ADAMTSL1: variants seen among roughly 807,000 people sequenced by gnomAD.
ADAMTSL1 encodes ADAMTS-like protein 1.
Under a neutral mutation model 201.8 loss-of-function variants are expected in ADAMTSL1, and 126 were observed. The ratio of observed to expected loss-of-function variants is 0.62; its 90% CI spans 0.54 to 0.72. The LOEUF is 0.72. Among genes scored for constraint, ADAMTSL1 ranks in the 30% least tolerant of loss-of-function variants. The probability of loss-of-function intolerance (pLI) is 0.00; values close to 1 mark genes in which losing one functional copy is unlikely to be tolerated. For missense variants in ADAMTSL1, 2,679 were observed against 2,277.8 expected (o/e 1.18, Z -3.59); for synonymous variants, 1,121 against 903.4 (o/e 1.24, Z -4.32).
chr9:18,213,367 T>C (rs1829950196), intron 2 of ADAMTSL1, among the ~76,000 whole-genome samples: 1 of 152,180 alleles, frequency 6.6e-6, no homozygotes, highest in Non-Finnish European at 1.5e-5. Flanking sequence ...TTGGTATCCT[T>C]CGGAGAACAA....
intron 1 of ADAMTSL1, among the ~76,000 whole-genome samples, chr9:18,134,880 T>C (rs1826094268): frequency 6.6e-6 from 1 of 152,200 alleles, no homozygotes; most frequent in Non-Finnish European, 1.5e-5. Flanking sequence ...TGTTGGGGAC[T>C]GCCAGGAAGG....
At chr9:18,360,100 A>T (rs780953156) in intron 2 of ADAMTSL1, among the ~76,000 whole-genome samples, 2 of 152,012 alleles carry the variant, frequency 1.3e-5, no homozygotes, top group African/African-American at 2.4e-5. Flanking sequence ...GGGAAGTCAG[A>T]TGTGGTTTCC....
intron 1 of ADAMTSL1, among the ~76,000 whole-genome samples, chr9:18,022,281 C>G (rs897787327): frequency 1.3e-5 from 2 of 152,128 alleles, no homozygotes; most frequent in African/African-American, 4.8e-5. Context: ...TCATAGATAC[C>G]TGAGCAGCTG....
At chr9:18,403,047 G>A (rs981310724) in intron 2 of ADAMTSL1, among the ~76,000 whole-genome samples, 2 of 152,152 alleles carry the variant, frequency 1.3e-5, no homozygotes, top group African/African-American at 2.4e-5. Flanking sequence ...GCTAGTAAAT[G>A]GCAGAGCTGT....
At chr9:18,014,925 T>G (rs1272277182) in intron 1 of ADAMTSL1, among the ~76,000 whole-genome samples, 1 of 152,046 alleles carries the variant, frequency 6.6e-6, no homozygotes, top group Non-Finnish European at 1.5e-5. Context: ...AAAGGCCAAG[T>G]ATAGTGATCA....
At chr9:17,927,145 A>G (rs935528904) in intron 1 of ADAMTSL1, among the ~76,000 whole-genome samples, 1 of 152,198 alleles carries the variant, frequency 6.6e-6, no homozygotes, top group Non-Finnish European at 1.5e-5. Flanking sequence ...ATAAGTTGGA[A>G]TCACACAGTA....
At chr9:18,608,309 C>T (rs1564086117) in intron 4 of ADAMTSL1, among the ~76,000 whole-genome samples, 1 of 152,074 alleles carries the variant, frequency 6.6e-6, no homozygotes, top group Non-Finnish European at 1.5e-5. Flanking sequence ...CTTAAATATT[C>T]CAGTTACTAC....
At chr9:18,361,245 A>C (rs1836505792) in intron 2 of ADAMTSL1, among the ~76,000 whole-genome samples, 1 of 152,206 alleles carries the variant, frequency 6.6e-6, no homozygotes, top group African/African-American at 2.4e-5. Context: ...AGGAGCATTA[A>C]AGTCACATTA....
At chr9:18,049,183 G>T (rs555621334) in intron 1 of ADAMTSL1, among the ~76,000 whole-genome samples, 35 of 152,152 alleles carry the variant, frequency 2.3e-4, no homozygotes, top group Non-Finnish European at 4.3e-4. Context: ...CATCTACAAA[G>T]ACCCTATTTC....
At chr9:18,234,263 G>C (rs1371174470) in intron 2 of ADAMTSL1, among the ~76,000 whole-genome samples, 1 of 152,216 alleles carries the variant, frequency 6.6e-6, no homozygotes, top group Non-Finnish European at 1.5e-5. Context: ...CAGAGAACGA[G>C]TGTGTGAGCA....
chr9:18,608,668 C>T (rs1171061100), intron 4 of ADAMTSL1, among the ~76,000 whole-genome samples: 2 of 152,236 alleles, frequency 1.3e-5, no homozygotes, highest in East Asian at 3.9e-4. Flanking sequence ...AAATTGCTAC[C>T]TCCAGCTACT....
At chr9:18,290,412 A>G (rs7862129) in intron 2 of ADAMTSL1, among the ~76,000 whole-genome samples, 16,933 of 152,132 alleles carry the variant, frequency 0.11, 1,060 homozygotes, top group Middle Eastern at 0.19. Context: ...TGAGTTCACC[A>G]TAGATCACAT....
intron 1 of ADAMTSL1, among the ~76,000 whole-genome samples, chr9:18,055,233 T>A (rs762384956): frequency 1.3e-5 from 2 of 152,242 alleles, no homozygotes; most frequent in Non-Finnish European, 2.9e-5. Context: ...TAAAAGCAGA[T>A]ACATAGCTAT....
At chr9:18,857,930 T>C (rs1826965560) in intron 23 of ADAMTSL1, among the ~76,000 whole-genome samples, 1 of 152,208 alleles carries the variant, frequency 6.6e-6, no homozygotes, top group Non-Finnish European at 1.5e-5. Flanking sequence ...CAAGAAGATA[T>C]TCTAGGTTCA....
intron 1 of ADAMTSL1, among the ~76,000 whole-genome samples, chr9:18,049,823 C>G (rs1821848975): frequency 6.6e-6 from 1 of 152,096 alleles, no homozygotes; most frequent in Non-Finnish European, 1.5e-5. Flanking sequence ...TAGGGTTTTA[C>G]CGTGTTAGCC....
intron 1 of ADAMTSL1, among the ~76,000 whole-genome samples, chr9:17,972,525 G>T (rs899930878): frequency 6.6e-6 from 1 of 151,648 alleles, no homozygotes; most frequent in Non-Finnish European, 1.5e-5. Context: ...AGTATTCCAT[G>T]GTGTCTATGT....
intron 23 of ADAMTSL1, among the ~76,000 whole-genome samples, chr9:18,854,732 C>T (rs2131386399): frequency 6.6e-6 from 1 of 152,234 alleles, no homozygotes; most frequent in African/African-American, 2.4e-5. Flanking sequence ...AAGCCTCTGA[C>T]TCTTGGAAAC....
intron 2 of ADAMTSL1, among the ~76,000 whole-genome samples, chr9:18,309,171 T>A (rs965591470): frequency 6.6e-6 from 1 of 152,182 alleles, no homozygotes; most frequent in Non-Finnish European, 1.5e-5. Flanking sequence ...AAACTAGGTA[T>A]TAATGAAATG....
At chr9:18,040,472 C>T (rs1452505597) in intron 1 of ADAMTSL1, among the ~76,000 whole-genome samples, 1 of 152,150 alleles carries the variant, frequency 6.6e-6, no homozygotes, top group Non-Finnish European at 1.5e-5. Flanking sequence ...AACCTTCAGG[C>T]CACCAGCATG....
Sources: allele counts gnomAD v4.1 joint callset (sites outside exome capture counted in the v4.1 genomes callset), GRCh38; gene constraint gnomAD v4.1.1; transcripts MANE v1.5; gene names NCBI Gene and HGNC (gene_info 2026-07-23, HGNC 2026-07-21).